Variants in KRT23 observed in about 807,000 individuals in gnomAD.
KRT23 encodes the protein keratin, type I cytoskeletal 23.
KRT23 carries 38 observed loss-of-function variants against 47.6 expected under a neutral mutation model. That is an observed-to-expected ratio of 0.80 (90% CI 0.62 to 1.05). KRT23 has a LOEUF of 1.05. Ranked by LOEUF, KRT23 falls within the 50% of genes least tolerant of loss-of-function variation. The pLI is 0.00. For synonymous variants in KRT23, 191 were observed against 199.0 expected (o/e 0.96, Z 0.34); for missense variants, 503 against 529.5 (o/e 0.95, Z 0.49).
In KRT23 at chr17:40,922,858, G is replaced by GA. The variant is rs796246628; in HGVS notation, c.*130dup. On this transcript the variant is annotated 3_prime_UTR_variant, in exon 9 of 9. Transcript: ENST00000209718. ...TGAGAAGTCTGGTGAGACTGTTACA[G>GA]AAAAAAAAAATAAAAGTTTCTGAGT... The GA allele has an allele frequency of 0.037, 20,222 of 549,108 alleles. 2 individuals are homozygous for GA. The highest frequency in any genetic ancestry group is 0.045 in the South Asian group (1,853 of 40,786). The allele number at this position is 549,108 out of a possible 1,614,324, so 34.0% of individuals were successfully genotyped here.
chr17:40,937,272 A>C (rs969841989), intron 1 of KRT23, 74 bp downstream of exon 1: 1 of 152,212 alleles, frequency 6.6e-6, no homozygotes, highest in African/African-American at 2.4e-5. Flanking sequence ...GTTTGAAGGA[A>C]AGTACTTTCA....
intron 2 of KRT23, among the ~76,000 whole-genome samples, chr17:40,934,812 A>G (rs1909932814): frequency 1.3e-5 from 2 of 152,184 alleles, no homozygotes; most frequent in Admixed American, 1.3e-4. Context: ...AATAATATGG[A>G]ACATTTCCAT....
Position 40,922,883 on chromosome 17 carries a change from T to G in KRT23, c.*106A>C. 1 of 756,424 alleles carries G rather than the reference T, an allele frequency of 1.3e-6. No individual in the cohort carries two copies. Among genetic ancestry groups the G allele is most frequent in the Non-Finnish European group, 2.2e-6 (1 of 445,180 alleles). The allele number at this position is 756,424 out of a possible 1,614,324, so 46.9% of individuals were successfully genotyped here. On this transcript the variant is annotated 3_prime_UTR_variant, in exon 9 of 9. Transcript: ENST00000209718. ...GAAAAAAAAAATAAAAGTTTCTGAG[T>G]CTGATAATTCCAAGGGTATCTTTTA...
Position 40,923,080 on chromosome 17 carries a change from G to T in KRT23, c.1178C>A (p.Ser393Tyr), listed in dbSNP as rs17856805. 2.9e-5 allele frequency: 47 copies of T among 1,609,966 alleles called. No individual in the cohort carries two copies. Among genetic ancestry groups the T allele is most frequent in the Non-Finnish European group, 3.9e-5 (46 of 1,176,390 alleles). ...TATGGCCTTGATCTTTGGAGTTGCA[G>T]ACACTGAGAAAAAGAGCATGGAAGA... ...REESKSSMKV[S>Y]ATPKIKAITQ... The change falls in exon 9 of 9, where the codon TCT (serine) becomes TAT (tyrosine). Residue 393 changes from serine (S) to tyrosine (Y), a missense_variant. Transcript: ENST00000209718.
intron 7 of KRT23, 139 bp from the exon 8 acceptor site, chr17:40,924,642 C>T: frequency 7.1e-6 from 5 of 702,344 alleles, no homozygotes; most frequent in East Asian, 2.7e-5. Flanking sequence ...TTAGTAGTCT[C>T]AAGGTCATGG....
intron 6 of KRT23, 87 bp downstream of exon 6, chr17:40,928,151 T>A: frequency 1.3e-6 from 2 of 1,532,182 alleles, no homozygotes; most frequent in East Asian, 2.3e-5. Flanking sequence ...CCCAAGGGAG[T>A]TGAGGGTCAG....
At chr17:40,924,995 CTTT>C (rs34300335) in intron 7 of KRT23, among the ~76,000 whole-genome samples, 55 of 148,750 alleles carry the variant, frequency 3.7e-4, no homozygotes, top group South Asian at 8.5e-4. Flanking sequence ...TCATATGCAT[CTTT>C]TTTTTTTTTT....
At chr17:40,935,189 C>A (rs1433358946) in intron 2 of KRT23, among the ~76,000 whole-genome samples, 1 of 147,148 alleles carries the variant, frequency 6.8e-6, no homozygotes, top group Non-Finnish European at 1.5e-5. Flanking sequence ...GTTGATTATT[C>A]AATAATTAGG....
At position 40,923,389 on chromosome 17, in the gene KRT23, G is replaced by T. The variant is rs1030422980; in HGVS notation, c.1175-306C>A. Among the ~76,000 whole-genome samples the T allele has an allele frequency of 2.0e-5, 3 of 152,322 alleles. No homozygotes were observed. In the South Asian group the frequency reaches 6.2e-4, roughly 32 times the overall value. Reference sequence around the variant, plus strand: ...CACTTGAGGAGTTCTTTCTCTGCCTGTGGGCTTTGTAGCACTGCACAGATT... The same window carrying T: ...CACTTGAGGAGTTCTTTCTCTGCCTTTGGGCTTTGTAGCACTGCACAGATT... On this transcript the variant is annotated intron_variant, in intron 8 of 8. Coordinates refer to ENST00000209718, the MANE Select transcript of KRT23 (RefSeq NM_015515.5).
At position 40,936,878 on chromosome 17, in the gene KRT23, GCCCA is replaced by G. The variant is rs1052230449; in HGVS notation, c.-279_-276del. 11 of 381,542 alleles carry G rather than the reference GCCCA, an allele frequency of 2.9e-5. 1 individual carries two copies. The highest frequency in any genetic ancestry group is 1.9e-4 in the African/African-American group (9 of 48,340). The allele number at this position is 381,542 out of a possible 1,614,324, so 23.6% of individuals were successfully genotyped here. A position where few individuals can be genotyped will look rare whatever the true frequency, so the allele number is the denominator to read the frequency against. On this transcript the variant is annotated 5_prime_UTR_variant, in exon 2 of 9. The change abolishes the stop of an existing upstream ORF in the 5' untranslated region. Transcript: ENST00000209718. Reference sequence around the variant, plus strand: ...CTTCCCCTGGTAACCCGGAGGTGTGGCCCACGACATCAGGCGGGTATTGGGCTCA... The same window carrying G: ...CTTCCCCTGGTAACCCGGAGGTGTGGCGACATCAGGCGGGTATTGGGCTCA...
intron 2 of KRT23, among the ~76,000 whole-genome samples, chr17:40,933,961 TTGAC>T (rs1412002415): frequency 2.6e-5 from 4 of 152,360 alleles, no homozygotes; most frequent in Non-Finnish European, 5.9e-5. Flanking sequence ...AACAGAATGT[TTGAC>T]TGTAAACAAA....
chr17:40,929,863 T>C (rs1909523957), intron 4 of KRT23, 77 bp downstream of exon 4: 2 of 1,368,182 alleles, frequency 1.5e-6, no homozygotes, highest in East Asian at 4.7e-5. Flanking sequence ...GGTGGTTTCT[T>C]CTGTAGCTGT....
intron 6 of KRT23, 38 bp downstream of exon 6, chr17:40,928,200 G>A: frequency 1.2e-6 from 2 of 1,612,860 alleles, no homozygotes; most frequent in Non-Finnish European, 1.7e-6. Flanking sequence ...CGTGAAGGAG[G>A]TGGTGTGGGA....
intron 2 of KRT23, among the ~76,000 whole-genome samples, chr17:40,933,409 C>T (rs950243596): frequency 6.6e-6 from 1 of 152,184 alleles, no homozygotes; most frequent in Admixed American, 6.5e-5. Flanking sequence ...TATGTAAGCT[C>T]CTGCAAAATG....
chr17:40,936,420 C>G lies in KRT23; in HGVS notation c.184G>C (p.Gly62Arg), dbSNP rs781573146. 3.1e-6 allele frequency: 5 copies of G among 1,613,658 alleles called. No homozygotes were observed. The East Asian group carries it at 8.9e-5, about 29-fold the overall frequency. The change falls in exon 2 of 9, where the codon GGA (glycine) becomes CGA (arginine). Residue 62 changes from glycine to arginine, a missense_variant. Coordinates refer to ENST00000209718, the MANE Select transcript of KRT23 (RefSeq NM_015515.5). Reference protein sequence around the residue: ...CPPPGGSWGSGRSSPLLGGNG... With the variant: ...CPPPGGSWGSRRSSPLLGGNG... Reference sequence around the variant, plus strand: ...CCGCCTAGTAGGGGGCTGCTTCTTCCAGAACCCCAAGACCCTCCAGGGGGT... The same window carrying G: ...CCGCCTAGTAGGGGGCTGCTTCTTCGAGAACCCCAAGACCCTCCAGGGGGT...
chr17:40,930,239 C>T (rs950552347), intron 3 of KRT23, 143 bp from the exon 4 acceptor site: 1 of 662,928 alleles, frequency 1.5e-6, no homozygotes, highest in South Asian at 2.3e-5. Context: ...CTTTTTTATG[C>T]CAGTTTCATG....
Position 40,925,530 on chromosome 17 carries a change from G to A in KRT23, c.966C>T (p.Tyr322=), listed in dbSNP as rs1909174987. 2 of 1,614,182 alleles carry A rather than the reference G, an allele frequency of 1.2e-6. No individual in the cohort carries two copies. ...CTTGCATGTCCTGGAGCTTGCAGGA[G>A]TACCGAGACTGGGTCTCGGATAACA... ...ENMLSETQSR[Y]SCKLQDMQEI... Residue 322 remains tyrosine (Y), a synonymous_variant, in exon 7 of 9, where the codon TAC becomes TAT. Coordinates refer to ENST00000209718, the MANE Select transcript of KRT23 (RefSeq NM_015515.5).
At chr17:40,929,840 T>A in intron 4 of KRT23, 100 bp downstream of exon 4, 1 of 971,354 alleles carries the variant, frequency 1.0e-6, no homozygotes, top group Non-Finnish European at 1.5e-6. Context: ...GACAAGGGGA[T>A]TGGCATCCAG....
Position 40,936,562 on chromosome 17 carries a change from G to A in KRT23, c.42C>T (p.Ser14=). 2.0e-6 allele frequency: 3 copies of A among 1,519,956 alleles called. No homozygotes were observed. Among genetic ancestry groups the A allele is most frequent in the South Asian group, 1.3e-5 (1 of 74,920 alleles). The allele number at this position is 1,519,956 out of a possible 1,614,324, so 94.2% of individuals were successfully genotyped here. ...CCCAGCCACCTCCGGCGCCATGGAA[G>A]GAGGCCGAGGGGGTCTGGCTGAAGC... ...GHSFSQTPSA[S]FHGAGGGWGR... is the part of the protein sequence containing the mutation. Residue 14 remains serine (S), a synonymous_variant, in exon 2 of 9, where the codon TCC becomes TCT. Coordinates refer to ENST00000209718, the MANE Select transcript of KRT23 (RefSeq NM_015515.5).
Sources: allele counts gnomAD v4.1 joint callset (sites outside exome capture counted in the v4.1 genomes callset), GRCh38; gene constraint gnomAD v4.1.1; transcripts MANE v1.5; gene names NCBI Gene and HGNC (gene_info 2026-07-23, HGNC 2026-07-21).